The following LYPLAL1 variants were observed in gnomAD, a reference collection of about 807,000 sequenced individuals.
LYPLAL1 encodes the protein lysophospholipase like 1.
LYPLAL1 carries 23 observed loss-of-function variants against 19.7 expected under a neutral mutation model. That is an observed-to-expected ratio of 1.17 (90% CI 0.84 to 1.65). The LOEUF is 1.65. Ranked by LOEUF, LYPLAL1 falls within the 40% of genes most tolerant of loss-of-function variation. LYPLAL1 has a pLI of 0.00. For missense variants in LYPLAL1, 355 were observed against 279.4 expected (o/e 1.27, Z -1.93); for synonymous variants, 119 against 96.3 (o/e 1.24, Z -1.38).
the LYPLAL1 span, among the ~76,000 whole-genome samples, chr1:219,379,482 G>A: frequency 8.7e-4 from 133 of 152,252 alleles, 1 homozygote; most frequent in Non-Finnish European, 1.2e-3. Context: ...GCTCTAAAGG[G>A]GGCATAGAGT....
the LYPLAL1 span, among the ~76,000 whole-genome samples, chr1:219,297,372 G>C: frequency 6.6e-6 from 1 of 152,124 alleles, no homozygotes; most frequent in Admixed American, 6.6e-5. Flanking sequence ...GTTCAGTTTT[G>C]CTCTGTTGAA....
the LYPLAL1 span, chr1:219,437,262 C>G: frequency 6.6e-6 from 1 of 152,264 alleles, no homozygotes; most frequent in Non-Finnish European, 1.5e-5. Context: ...CACCATCAGC[C>G]TGTGGGACTC....
At chr1:219,431,098 A>G in the LYPLAL1 span, among the ~76,000 whole-genome samples, 1 of 152,230 alleles carries the variant, frequency 6.6e-6, no homozygotes, top group Non-Finnish European at 1.5e-5. Context: ...CTAACAAAAT[A>G]CTTTTCGCAA....
At chr1:219,361,381 G>T in the LYPLAL1 span, among the ~76,000 whole-genome samples, 1 of 152,114 alleles carries the variant, frequency 6.6e-6, no homozygotes, top group African/African-American at 2.4e-5. Context: ...AGCCTAACTG[G>T]ATATAAATAT....
intron 2 of LYPLAL1, 64 bp downstream of exon 2, chr1:219,179,310 G>A (rs1245647408): frequency 8.8e-7 from 1 of 1,142,832 alleles, no homozygotes; most frequent in Non-Finnish European, 1.3e-6. Context: ...ATAGAGAGAT[G>A]TGCCAGCTAG....
At chr1:219,395,086 T>C in the LYPLAL1 span, among the ~76,000 whole-genome samples, 1 of 152,222 alleles carries the variant, frequency 6.6e-6, no homozygotes, top group East Asian at 1.9e-4. Flanking sequence ...AGTGAACATA[T>C]GTGTGCATGT....
At chr1:219,192,294 T>C (rs1394804857) in intron 2 of LYPLAL1, among the ~76,000 whole-genome samples, 1 of 151,690 alleles carries the variant, frequency 6.6e-6, no homozygotes, top group Non-Finnish European at 1.5e-5. Flanking sequence ...TTTACTAACT[T>C]TGGTGGGTGA....
chr1:219,400,619 C>T, the LYPLAL1 span, among the ~76,000 whole-genome samples: 9 of 152,066 alleles, frequency 5.9e-5, no homozygotes, highest in African/African-American at 2.2e-4. Flanking sequence ...TCTAGCCTCT[C>T]GAGTAGCTGG....
the LYPLAL1 span, among the ~76,000 whole-genome samples, chr1:219,225,033 C>A: frequency 6.6e-6 from 1 of 152,086 alleles, no homozygotes; most frequent in East Asian, 1.9e-4. Context: ...ATTGTTAGCC[C>A]CTTAATGTGG....
chr1:219,445,428 G>C, the LYPLAL1 span, among the ~76,000 whole-genome samples: 1 of 110,400 alleles, frequency 9.1e-6, no homozygotes, highest in Non-Finnish European at 1.8e-5. Context: ...GCGGTGGGGG[G>C]AACAAACAAG....
chr1:219,255,262 T>C, the LYPLAL1 span, among the ~76,000 whole-genome samples: 1 of 151,802 alleles, frequency 6.6e-6, no homozygotes, highest in African/African-American at 2.4e-5. Flanking sequence ...AGAACTACTT[T>C]AATTTCTCTC....
chr1:219,376,773 C>T, the LYPLAL1 span, among the ~76,000 whole-genome samples: 8 of 152,266 alleles, frequency 5.3e-5, no homozygotes, highest in East Asian at 5.8e-4. Context: ...TATCACTTCA[C>T]GATCATTAGA....
the LYPLAL1 span, among the ~76,000 whole-genome samples, chr1:219,357,945 T>C: frequency 2.6e-5 from 4 of 152,184 alleles, no homozygotes; most frequent in South Asian, 8.3e-4. Flanking sequence ...AAAGGCTACA[T>C]ATTATATGTT....
At chr1:219,341,864 C>T in the LYPLAL1 span, among the ~76,000 whole-genome samples, 1 of 152,018 alleles carries the variant, frequency 6.6e-6, no homozygotes, top group Non-Finnish European at 1.5e-5. Flanking sequence ...GAAATCTGAA[C>T]CATGACAGTT....
At chr1:219,176,187 C>T (rs535163993) in intron 1 of LYPLAL1, among the ~76,000 whole-genome samples, 37 of 152,216 alleles carry the variant, frequency 2.4e-4, no homozygotes, top group African/African-American at 8.7e-4. Context: ...AAAGACGGAC[C>T]TTCTTTTAAG....
At chr1:219,213,780 T>C (rs1037928054), downstream of LYPLAL1, among the ~76,000 whole-genome samples, 1 of 152,110 alleles carries the variant, frequency 6.6e-6, no homozygotes, top group African/African-American at 2.4e-5. Context: ...TTATTAATTT[T>C]AGGAGTTTTT....
chr1:219,194,167 TAAC>T (rs1473344337), intron 3 of LYPLAL1, among the ~76,000 whole-genome samples: 4 of 151,930 alleles, frequency 2.6e-5, no homozygotes. Flanking sequence ...GCCTCTAGCA[TAAC>T]AACATCACCT....
At chr1:219,373,606 G>A in the LYPLAL1 span, among the ~76,000 whole-genome samples, 13 of 151,882 alleles carry the variant, frequency 8.6e-5, no homozygotes, top group South Asian at 2.1e-4. Flanking sequence ...TTCAGAAGTC[G>A]CACTCAAAAA....
At chr1:219,425,256 T>C in the LYPLAL1 span, among the ~76,000 whole-genome samples, 250 of 152,218 alleles carry the variant, frequency 1.6e-3, 2 homozygotes, top group African/African-American at 5.2e-3. Context: ...TCTAATAACA[T>C]CACCTTGGGA....
Sources: gnomAD v4.1 joint callset for allele counts (sites outside exome capture counted in the v4.1 genomes callset) on GRCh38, gnomAD v4.1.1 for gene constraint, MANE v1.5 for transcripts, NCBI Gene and HGNC (gene_info 2026-07-23, HGNC 2026-07-21) for gene names.